P3H2: variants seen among roughly 807,000 people sequenced by gnomAD.
P3H2 encodes the protein leprecan-like 1.
P3H2 carries 80 observed loss-of-function variants against 87.0 expected under a neutral mutation model. That is an observed-to-expected ratio of 0.92 (90% CI 0.77 to 1.11). The LOEUF (loss-of-function observed/expected upper bound fraction) is 1.11. P3H2 is among the 50% of genes least tolerant of loss of function. The pLI is 0.00. For missense variants in P3H2, 1,001 were observed against 923.9 expected, an observed-to-expected ratio of 1.08 and a Z score of -1.08; for synonymous variants, 367 against 359.3, an observed-to-expected ratio of 1.02 and a Z score of -0.24.
chr3:189,957,945 A>C lies in P3H2; in HGVS notation c.2094T>G (p.His698Gln). Residue 698 changes from histidine to glutamine, a missense_variant, in exon 15 of 15, where the codon CAT becomes CAG. Transcript: ENST00000319332. ...CATCTTTAGGGTTGATATTCAGTTC[A>C]TGCTTCCCTTGCTGTTCTTGATCCA... ...AILDQEQQGK[H>Q]ELNINPKDEL is the part of the protein sequence containing the mutation. 6.2e-7 allele frequency: 1 copy of C among 1,613,212 alleles called. No individual in the cohort carries two copies. The highest frequency in any genetic ancestry group is 8.5e-7 in the Non-Finnish European group (1 of 1,179,172).
At chr3:190,017,329 G>C (rs1004429888) in intron 1 of P3H2, among the ~76,000 whole-genome samples, 1 of 151,788 alleles carries the variant, frequency 6.6e-6, no homozygotes, top group Non-Finnish European at 1.5e-5. Flanking sequence ...TGCTCTCTCA[G>C]GGAAAAAAAA....
chr3:190,120,210 G>C (rs371465271), intron 1 of P3H2, 42 bp downstream of exon 1: 19 of 1,595,772 alleles, frequency 1.2e-5, no homozygotes, highest in Non-Finnish European at 1.6e-5. Flanking sequence ...GAGCGTGTGA[G>C]AGCCGCAGGG....
chr3:190,049,177 G>A (rs527988655), intron 1 of P3H2, among the ~76,000 whole-genome samples: 94 of 152,290 alleles, frequency 6.2e-4, no homozygotes, highest in East Asian at 2.1e-3. Flanking sequence ...ACTGAATCTC[G>A]AAGGTGTGAT....
In P3H2 at chr3:190,120,380, G is replaced by C; in HGVS notation, c.352C>G (p.Arg118Gly). 6.5e-7 allele frequency: 1 copy of C among 1,544,824 alleles called. No individual in the cohort carries two copies. Among genetic ancestry groups the C allele is most frequent in the Non-Finnish European group, 8.7e-7 (1 of 1,151,202 alleles). ...TGGGTCTCACAGCTGCGATAACAGC[G>C]CGCCCGCCCCAACAAGGAGCGGAAA... ...PLFRSLLGRA[R>G]CYRSCETQRL... Residue 118 changes from arginine (R) to glycine (G), a missense_variant, in exon 1 of 15, where the codon CGC becomes GGC. Coordinates refer to ENST00000319332, the MANE Select transcript of P3H2 (RefSeq NM_018192.4).
In P3H2 at chr3:189,957,363, C is replaced by A. The variant is rs974714794; in HGVS notation, c.*549G>T. 2 of 399,624 alleles carry A rather than the reference C, an allele frequency of 5.0e-6. No individual in the cohort carries two copies. Among genetic ancestry groups the A allele is most frequent in the African/African-American group, 4.1e-5 (2 of 48,484 alleles). 24.8% of individuals were successfully genotyped at this position (399,624 alleles called of 1,614,324 possible). ...GACCAGGCACAGGTTAATTTTAGAA[C>A]TGGAGCACACGTGAGAGTTGTAGTT... On this transcript the variant is annotated 3_prime_UTR_variant, in exon 15 of 15. Coordinates refer to ENST00000319332, the MANE Select transcript of P3H2 (RefSeq NM_018192.4).
intron 4 of P3H2, 54 bp downstream of exon 4, chr3:189,988,853 G>T: frequency 6.2e-7 from 1 of 1,606,770 alleles, no homozygotes; most frequent in Non-Finnish European, 8.5e-7. Context: ...TGTGATGTCT[G>T]TAATGATGAA....
chr3:190,029,894 C>T (rs1407451822), intron 1 of P3H2, among the ~76,000 whole-genome samples: 2 of 151,392 alleles, frequency 1.3e-5, no homozygotes, highest in Admixed American at 6.6e-5. Context: ...CCCAGCCATT[C>T]AGGAGGCTGA....
In P3H2 at chr3:190,021,337, C is replaced by T. The variant is rs1724922388; in HGVS notation, c.481-25895G>A. Among the ~76,000 whole-genome samples the T allele has an allele frequency of 2.2e-5, 3 of 134,916 alleles. 1 individual carries two copies. Among genetic ancestry groups the T allele is most frequent in the African/African-American group, 7.7e-5 (3 of 39,126 alleles). The allele number at this position is 134,916 out of a possible 152,430, so 88.5% of individuals were successfully genotyped here. On this transcript the variant is annotated intron_variant, in intron 1 of 14. Coordinates refer to ENST00000319332, the MANE Select transcript of P3H2 (RefSeq NM_018192.4). The stretch of plus-strand genomic sequence containing the variant: ...TTAAAACAATAATTTGCCTTTGTCT[C>T]TATTTTTTGTCATTTCCTTAAGATT...
chr3:190,090,650 C>T (rs1036781500), intron 1 of P3H2, among the ~76,000 whole-genome samples: 4 of 151,976 alleles, frequency 2.6e-5, no homozygotes, highest in Non-Finnish European at 4.4e-5. Flanking sequence ...TTGCAGTGAG[C>T]CCAGATTGTG....
At chr3:190,074,020 G>A (rs558929896) in intron 1 of P3H2, among the ~76,000 whole-genome samples, 6 of 152,226 alleles carry the variant, frequency 3.9e-5, no homozygotes, top group Admixed American at 6.5e-5. Context: ...AAATACTCTC[G>A]TATCAGTAAA....
intron 6 of P3H2, among the ~76,000 whole-genome samples, chr3:189,985,872 C>T (rs963520256): frequency 2.0e-5 from 3 of 151,978 alleles, no homozygotes; most frequent in African/African-American, 2.4e-5. Flanking sequence ...CTAAATTCTA[C>T]CAACTTTTTA....
At position 189,972,910 on chromosome 3, in the gene P3H2, A is replaced by G; in HGVS notation, c.1663T>C (p.Ser555Pro). 6.2e-7 allele frequency: 1 copy of G among 1,614,144 alleles called. No homozygotes were observed. The highest frequency in any genetic ancestry group is 8.5e-7 in the Non-Finnish European group (1 of 1,180,006). Residue 555 changes from serine to proline, a missense_variant, in exon 11 of 15, where the codon TCC becomes CCC. By Grantham distance (74) the Ser-to-Pro change is moderately conservative. Coordinates refer to ENST00000319332, the MANE Select transcript of P3H2 (RefSeq NM_018192.4). ...YFMLNSTLYF[S>P]YTHMVCRTAL... Reference sequence around the variant, plus strand: ...GTTCGGCAGACCATGTGTGTATAGGAAAAATACAGAGTTGAGTTCAGCATA... The same window carrying G: ...GTTCGGCAGACCATGTGTGTATAGGGAAAATACAGAGTTGAGTTCAGCATA...
At chr3:190,005,681 A>T (rs9864965) in intron 1 of P3H2, among the ~76,000 whole-genome samples, 43,853 of 152,202 alleles carry the variant, frequency 0.29, 6,927 homozygotes, top group East Asian at 0.48. Context: ...TCTTGCTTTT[A>T]TAGGAGTGGG....
chr3:189,971,978 G>T lies in P3H2; in HGVS notation c.1729C>A (p.His577Asn). Residue 577 changes from histidine to asparagine, a missense_variant, in exon 12 of 15, where the codon CAT becomes AAT. Physicochemically the swap from His to Asn is moderately conservative, Grantham distance 68. Transcript: ENST00000319332. The part of the protein sequence containing the change: ...GQQDRRNDLS[H>N]PIHADNCLLD... ...AAACAGTTGTCAGCATGGATGGGATGACTGAGGTCATTTCTTCTATCCTGC... is the reference window on the plus strand; with the variant it reads ...AAACAGTTGTCAGCATGGATGGGATTACTGAGGTCATTTCTTCTATCCTGC... The T allele has an allele frequency of 6.2e-7, 1 of 1,613,050 alleles. No individual in the cohort carries two copies. Among genetic ancestry groups the T allele is most frequent in the South Asian group, 1.1e-5 (1 of 91,014 alleles).
chr3:189,981,698 AG>A (rs1330214685), intron 8 of P3H2, among the ~76,000 whole-genome samples: 2 of 152,216 alleles, frequency 1.3e-5, no homozygotes, highest in East Asian at 1.9e-4. Context: ...CCTGGTAGCC[AG>A]GGGAAAAAAA....
Position 190,112,381 on chromosome 3 carries a change from C to A in P3H2, c.480+7871G>T, listed in dbSNP as rs367871847. ...GGGAACATCTTCCTCTAACCCATAC[C>A]CAGGTCTTGCACAACACACATGAGG... is the stretch of plus-strand genomic sequence containing the variant. On this transcript the variant is annotated intron_variant, in intron 1 of 14. Coordinates refer to ENST00000319332, the MANE Select transcript of P3H2 (RefSeq NM_018192.4). Among the ~76,000 whole-genome samples the A allele has an allele frequency of 5.3e-5, 8 of 152,134 alleles. No individual in the cohort carries two copies. The East Asian group carries it at 9.6e-4, about 18-fold the overall frequency.
At chr3:190,119,031 G>A (rs1331044551) in intron 1 of P3H2, among the ~76,000 whole-genome samples, 1 of 151,364 alleles carries the variant, frequency 6.6e-6, no homozygotes, top group East Asian at 1.9e-4. Context: ...TTTGAGCCCG[G>A]GAGGCGGAGG....
At chr3:190,043,195 A>G (rs2108956109) in intron 1 of P3H2, among the ~76,000 whole-genome samples, 1 of 152,306 alleles carries the variant, frequency 6.6e-6, no homozygotes, top group East Asian at 1.9e-4. Context: ...CATCATATAC[A>G]TTTATCATAT....
At position 190,017,272 on chromosome 3, in the gene P3H2, G is replaced by T. The variant is rs1008530476; in HGVS notation, c.481-21830C>A. Among the ~76,000 whole-genome samples, 4 of 152,068 alleles carry T rather than the reference G, an allele frequency of 2.6e-5. No individual in the cohort carries two copies. In the East Asian group the frequency reaches 7.7e-4, roughly 29 times the overall value. ...TGTTCTTCATAAATTAGCCATGACT[G>T]GGGCAGTGAAATTCTATTTAGTAAT... On this transcript the variant is annotated intron_variant, in intron 1 of 14. Transcript: ENST00000319332.
Sources: allele counts gnomAD v4.1 joint callset (sites outside exome capture counted in the v4.1 genomes callset), GRCh38; gene constraint gnomAD v4.1.1; transcripts MANE v1.5; gene names NCBI Gene and HGNC (gene_info 2026-07-23, HGNC 2026-07-21).